MYLK3: variants seen among roughly 807,000 people sequenced by gnomAD.
MYLK3 encodes the protein MLC kinase.
In MYLK3, 55 loss-of-function variants were observed where a neutral mutation model predicts 76.3. That is an observed-to-expected ratio of 0.72 (90% CI 0.58 to 0.90). The LOEUF (loss-of-function observed/expected upper bound fraction) is 0.90, where lower values mean the gene tolerates loss of function less well. Ranked by LOEUF, MYLK3 falls within the 40% of genes least tolerant of loss-of-function variation. MYLK3 has a pLI of 0.00. For synonymous variants in MYLK3, 416 were observed against 425.4 expected, an observed-to-expected ratio of 0.98 and a Z score of 0.27; for missense variants, 973 against 1,053.6, an observed-to-expected ratio of 0.92 and a Z score of 1.06.
In MYLK3 at chr16:46,738,051, C is replaced by G. The variant is rs773986726; in HGVS notation, c.661G>C (p.Val221Leu). Residue 221 changes from valine to leucine, a missense_variant, in exon 3 of 13, where the codon GTC (valine) becomes CTC (leucine). Val to Leu is a conservative substitution (Grantham distance 32). This residue lies in a region of MYLK3 where 641 missense variants were observed against 637.0 expected (regional missense o/e 1.01). Transcript: ENST00000394809. ...ACACCATCTCCCTGGCCCGGTGAGA[C>G]CACTGCCTGGGCGGGGTCAGCTCCC... ...GLGADPAQAV[V>L]SPGQGDGVPG... is the part of the protein sequence containing the mutation. The G allele has an allele frequency of 1.2e-6, 2 of 1,609,496 alleles. No individual in the cohort carries two copies. The highest frequency in any genetic ancestry group is 1.7e-5 in the Admixed American group (1 of 59,870).
At chr16:46,708,131 A>G (rs1224790636) in intron 12 of MYLK3, among the ~76,000 whole-genome samples, 1 of 152,008 alleles carries the variant, frequency 6.6e-6, no homozygotes, top group African/African-American at 2.4e-5. Flanking sequence ...TCAGCCTCCC[A>G]AGTAGCTGGG....
chr16:46,703,106 TCAC>T lies in MYLK3; in HGVS notation c.*4595_*4597del, dbSNP rs1966592637. ...AATGCACATATAAGCATATGTCTCT[TCAC>T]AAATGGGATGATACCATATATACAT... On this transcript the variant is annotated 3_prime_UTR_variant, in exon 13 of 13. Coordinates refer to ENST00000394809, the MANE Select transcript of MYLK3 (RefSeq NM_182493.3). Among the ~76,000 whole-genome samples, 1 of 152,128 alleles carries T rather than the reference TCAC, an allele frequency of 6.6e-6. No homozygotes were observed. Among genetic ancestry groups the T allele is most frequent in the South Asian group, 2.1e-4 (1 of 4,824 alleles).
intron 5 of MYLK3, 23 bp downstream of exon 5, chr16:46,730,570 A>C (rs36460): frequency 1 from 1,599,342 of 1,603,922 alleles, 797,454 homozygotes; most frequent in East Asian, 1. Context: ...TAAGCCCCCC[A>C]ACCAAGGCAG....
At chr16:46,737,648 G>A (rs2143015766) in intron 3 of MYLK3, 63 bp downstream of exon 3, 17 of 1,479,352 alleles carry the variant, frequency 1.1e-5, no homozygotes, top group African/African-American at 1.4e-5. Context: ...GCCCACGGCC[G>A]AGCTCCAGCG....
At chr16:46,726,326 G>A in intron 8 of MYLK3, 1 of 152,420 alleles carries the variant, frequency 6.6e-6, no homozygotes, top group African/African-American at 2.4e-5. Flanking sequence ...TGTAATCCCA[G>A]CACTTTGGGA....
chr16:46,722,348 C>G (rs985757349), intron 8 of MYLK3, among the ~76,000 whole-genome samples: 1 of 152,118 alleles, frequency 6.6e-6, no homozygotes, highest in Non-Finnish European at 1.5e-5. Context: ...ATAACCTCTT[C>G]CTGTCTGTCC....
intron 9 of MYLK3, among the ~76,000 whole-genome samples, chr16:46,715,437 A>C (rs1238186676): frequency 2.0e-5 from 3 of 152,230 alleles, no homozygotes; most frequent in African/African-American, 7.2e-5. Context: ...AATATCCATC[A>C]AAACGCTCTC....
rs1179215023 is a variant in MYLK3 at position 46,729,095 on chromosome 16, G to C, written c.1701C>G (p.Leu567=). The C allele has an allele frequency of 1.2e-6, 2 of 1,614,056 alleles. No homozygotes were observed. The highest frequency in any genetic ancestry group is 2.7e-5 in the African/African-American group (2 of 74,944). ...VKNEINIMNQ[L]SHVNLIQLYD... is the part of the protein sequence containing the mutation. ...AGAGCTGGATCAGGTTCACGTGGCT[G>C]AGCTGGTTCATGATGTTGATCTCGT... is the stretch of plus-strand genomic sequence containing the variant. Residue 567 remains leucine, a synonymous_variant, in exon 7 of 13, where the codon CTC becomes CTG. Transcript: ENST00000394809.
In MYLK3 at chr16:46,706,902, C is replaced by T. The variant is rs1168489912; in HGVS notation, c.*802G>A. ...GTGACAACATTGAGAGTGCTACAGC[C>T]TGAGGCAGCAGAAGAGCAGCTTTCC... is the stretch of plus-strand genomic sequence containing the variant. On this transcript the variant is annotated 3_prime_UTR_variant, in exon 13 of 13. Transcript: ENST00000394809. 6.6e-6 allele frequency: 1 copy of T among 152,100 alleles called. No individual in the cohort carries two copies. The highest frequency in any genetic ancestry group is 1.5e-5 in the Non-Finnish European group (1 of 68,018). 9.4% of individuals were successfully genotyped at this position (152,100 alleles called of 1,614,324 possible).
Position 46,702,925 on chromosome 16 carries a change from GAA to G in MYLK3, c.*4777_*4778del, listed in dbSNP as rs1193027604. Among the ~76,000 whole-genome samples, 3 of 73,640 alleles carry G rather than the reference GAA, an allele frequency of 4.1e-5. No individual in the cohort carries two copies. The highest frequency in any genetic ancestry group is 1.4e-4 in the Admixed American group (1 of 7,242). The allele number at this position is 73,640 out of a possible 152,430, so 48.3% of individuals were successfully genotyped here. On this transcript the variant is annotated 3_prime_UTR_variant, in exon 13 of 13. Coordinates refer to ENST00000394809, the MANE Select transcript of MYLK3 (RefSeq NM_182493.3). Reference sequence around the variant, plus strand: ...ACAGAGTGAGACTCCATCTTGGAAAGAAAAAAAAAAAAAGGAATACATGCTCA... The same window carrying G: ...ACAGAGTGAGACTCCATCTTGGAAAGAAAAAAAAAAAGGAATACATGCTCA...
At chr16:46,763,242 C>T (rs1433447562) in exon 1 of MYLK3, 22 of 985,372 alleles carry the variant, frequency 2.2e-5, no homozygotes, top group Non-Finnish European at 2.2e-5. Flanking sequence ...GCTGGTCGGC[C>T]CTCTGAGCGT....
chr16:46,740,176 CATT>C (rs1210076244), intron 1 of MYLK3, 29 bp from the exon 2 acceptor site: 1 of 1,581,396 alleles, frequency 6.3e-7, no homozygotes, highest in Admixed American at 1.7e-5. Flanking sequence ...AAAATGTCAT[CATT>C]ATCATCAACA....
chr16:46,736,928 G>A (rs1034935525), intron 3 of MYLK3, among the ~76,000 whole-genome samples: 2 of 152,272 alleles, frequency 1.3e-5, no homozygotes, highest in African/African-American at 4.8e-5. Flanking sequence ...TCTGCCTGCC[G>A]AGAGCAGGTC....
intron 1 of MYLK3, among the ~76,000 whole-genome samples, chr16:46,761,658 A>G (rs532266813): frequency 1.3e-5 from 2 of 151,970 alleles, no homozygotes; most frequent in South Asian, 4.2e-4. Context: ...CTCTACTAAA[A>G]AATACAAAAA....
chr16:46,738,331 G>A (rs531007360), intron 2 of MYLK3, among the ~76,000 whole-genome samples, 188 bp from the exon 3 acceptor site: 9 of 152,328 alleles, frequency 5.9e-5, no homozygotes, highest in Admixed American at 2.6e-4. Context: ...CGGCACAGCC[G>A]TGAAAAAGGA....
Position 46,710,689 on chromosome 16 carries a change from G to A in MYLK3, c.2215C>T (p.Leu739Phe), listed in dbSNP as rs1387779351. 1.2e-6 allele frequency: 2 copies of A among 1,614,036 alleles called. No homozygotes were observed. Among genetic ancestry groups the A allele is most frequent in the East Asian group, 2.2e-5 (1 of 44,896 alleles). ...WDFDADTFEG[L>F]SEEAKDFVSR... ...ACAAAGTCCTTGGCCTCCTCCGAGAGCCCTTCAAAGGTGTCAGCATCAAAA... is the reference window on the plus strand; with the variant it reads ...ACAAAGTCCTTGGCCTCCTCCGAGAACCCTTCAAAGGTGTCAGCATCAAAA... The change falls in exon 11 of 13, where the codon CTC becomes TTC. Residue 739 changes from leucine to phenylalanine, a missense_variant. Leu to Phe is a conservative substitution (Grantham distance 22). Around this residue, in one of 2 missense-constraint regions of MYLK3, gnomAD observed 332 missense variants for 416.6 expected, o/e 0.80. Coordinates refer to ENST00000394809, the MANE Select transcript of MYLK3 (RefSeq NM_182493.3).
Position 46,737,784 on chromosome 16 carries a change from G to T in MYLK3, c.928C>A (p.Pro310Thr). The T allele has an allele frequency of 6.2e-7, 1 of 1,612,070 alleles. No individual in the cohort carries two copies. Among genetic ancestry groups the T allele is most frequent in the African/African-American group, 1.3e-5 (1 of 75,024 alleles). The change falls in exon 3 of 13, where the codon CCT becomes ACT. Residue 310 changes from proline (P) to threonine (T), a missense_variant. Pro to Thr is a conservative substitution (Grantham distance 38, BLOSUM62 -1). This residue lies in a region of MYLK3 where 641 missense variants were observed against 637.0 expected (regional missense o/e 1.01). Transcript: ENST00000394809. ...EGTRLTPGPG[P>T]QCPGPPGLPA... ...AGCCCTGGAGGCCCTGGGCACTGAG[G>T]GCCAGGCCCTGGAGTCAGCCTCGTG...
intron 1 of MYLK3, among the ~76,000 whole-genome samples, chr16:46,740,641 T>C (rs1425453044): frequency 6.7e-6 from 1 of 149,536 alleles, no homozygotes; most frequent in African/African-American, 2.5e-5. Context: ...AACCGCTGCC[T>C]CCCAGGTTCA....
chr16:46,711,734 C>T (rs566606013), intron 10 of MYLK3: 3 of 364,618 alleles, frequency 8.2e-6, no homozygotes, highest in African/African-American at 4.3e-5. Context: ...CTTGCTTTAC[C>T]CACCCAGAAG....
Sources: gnomAD v4.1 joint callset for allele counts (sites outside exome capture counted in the v4.1 genomes callset) on GRCh38, gnomAD v4.1.1 for gene constraint, gnomAD v4.1.1 regional missense constraint, MANE v1.5 for transcripts, NCBI Gene and HGNC (gene_info 2026-07-23, HGNC 2026-07-21) for gene names.